The following PDE4B variants were observed in gnomAD, a reference collection of about 807,000 sequenced individuals.
The protein encoded by PDE4B is phosphodiesterase 4B.
PDE4B carries 20 observed loss-of-function variants against 82.2 expected under a neutral mutation model. The observed-to-expected ratio is 0.24, with a 90% CI of 0.17 to 0.35. The LOEUF (loss-of-function observed/expected upper bound fraction) is 0.35. Among genes scored for constraint, PDE4B ranks in the 10% least tolerant of loss-of-function variants. The pLI is 1.00. For synonymous variants in PDE4B, 320 were observed against 318.9 expected, an observed-to-expected ratio of 1.00 and a Z score of -0.04; for missense variants, 655 against 907.2, an observed-to-expected ratio of 0.72 and a Z score of 3.57.
At chr1:65,905,701 A>G (rs538133562) in intron 1 of PDE4B, among the ~76,000 whole-genome samples, 11 of 152,228 alleles carry the variant, frequency 7.2e-5, no homozygotes, top group African/African-American at 2.6e-4. Context: ...AAAGGACAGT[A>G]GCCTCCTCAA....
At chr1:65,844,466 A>G (rs1350686165) in intron 1 of PDE4B, among the ~76,000 whole-genome samples, 1 of 152,170 alleles carries the variant, frequency 6.6e-6, no homozygotes, top group Admixed American at 6.6e-5. Context: ...CTCTTAGACA[A>G]ATGGAAGCTT....
At chr1:66,273,261 A>G (rs1655641023) in intron 7 of PDE4B, among the ~76,000 whole-genome samples, 2 of 152,322 alleles carry the variant, frequency 1.3e-5, no homozygotes, top group African/African-American at 4.8e-5. Context: ...TCCCTGAAAT[A>G]CACCAGGATC....
intron 3 of PDE4B, among the ~76,000 whole-genome samples, chr1:65,953,253 T>C (rs1296862730): frequency 6.6e-6 from 1 of 152,082 alleles, no homozygotes; most frequent in Non-Finnish European, 1.5e-5. Flanking sequence ...ATCATATATG[T>C]ATTTATAATT....
chr1:66,204,975 C>T (rs1227328131), intron 3 of PDE4B, among the ~76,000 whole-genome samples: 5 of 152,094 alleles, frequency 3.3e-5, no homozygotes, highest in Admixed American at 6.5e-5. Flanking sequence ...TATTCCTATT[C>T]GGCCATCTTG....
intron 1 of PDE4B, among the ~76,000 whole-genome samples, chr1:65,895,383 C>T (rs1039307506): frequency 1.3e-5 from 2 of 151,830 alleles, no homozygotes; most frequent in African/African-American, 4.8e-5. Context: ...AACCCCATCT[C>T]TACTGAAAAT....
Position 66,245,456 on chromosome 1 carries a change from G to A in PDE4B, c.282-2004G>A, listed in dbSNP as rs989184834. On this transcript the variant is annotated intron_variant, in intron 3 of 16. Coordinates refer to ENST00000341517, the MANE Select transcript of PDE4B (RefSeq NM_002600.4). ...CATGACCTACTGTTTCTAGGGGTTT[G>A]GGTGGCACACAAAAAAGCCCTTATC... Among the ~76,000 whole-genome samples the A allele has an allele frequency of 5.9e-5, 9 of 152,254 alleles. No individual in the cohort carries two copies. The South Asian group carries it at 1.0e-3, about 18-fold the overall frequency.
At chr1:66,075,791 A>T (rs938544450) in intron 3 of PDE4B, among the ~76,000 whole-genome samples, 3 of 151,990 alleles carry the variant, frequency 2.0e-5, no homozygotes, top group African/African-American at 7.2e-5. Context: ...CCAAGCAGAA[A>T]TGTTCTTTCC....
chr1:66,136,697 C>CAAAAAAAAAAAAA (rs5774802), intron 3 of PDE4B, among the ~76,000 whole-genome samples: 1 of 61,560 alleles, frequency 1.6e-5, no homozygotes, highest in African/African-American at 7.1e-5. Context: ...GACTCCCTCT[C>CAAAAAAAAAAAAA]AAAAAAAAAA....
intron 3 of PDE4B, among the ~76,000 whole-genome samples, chr1:66,205,756 G>C (rs751589777): frequency 7.2e-5 from 11 of 152,212 alleles, no homozygotes; most frequent in Non-Finnish European, 1.3e-4. Flanking sequence ...AATAGATTCT[G>C]TCTGTGCTAG....
rs150034186 is a variant in PDE4B at position 66,285,923 on chromosome 1, T to A, written c.634+19836T>A. Among the ~76,000 whole-genome samples the A allele has an allele frequency of 2.3e-3, 344 of 152,212 alleles. 2 individuals carry two copies. Among genetic ancestry groups the A allele is most frequent in the Middle Eastern group, 0.017 (5 of 294 alleles). ...ACCATATTTTAACTTCTCTAAACAA[T>A]CATTTAGGATGCTTGATTCTATGAA... On this transcript the variant is annotated intron_variant, in intron 7 of 16. Transcript: ENST00000341517.
rs1288202043 is a variant in PDE4B at position 66,355,517 on chromosome 1, T to G, written c.748-10T>G. On this transcript the variant is annotated splice_polypyrimidine_tract_variant and intron_variant, in intron 8 of 16. Coordinates refer to ENST00000341517, the MANE Select transcript of PDE4B (RefSeq NM_002600.4). Reference sequence around the variant, plus strand: ...AAAGTGGTTAATGCATTTTTGTTCTTTATAAACAGTTCAAAAGAATGCTGA... The same window carrying G: ...AAAGTGGTTAATGCATTTTTGTTCTGTATAAACAGTTCAAAAGAATGCTGA... 3 of 1,592,634 alleles carry G rather than the reference T, an allele frequency of 1.9e-6. No homozygotes were observed. The highest frequency in any genetic ancestry group is 2.6e-6 in the Non-Finnish European group (3 of 1,161,484).
chr1:66,326,596 A>C (rs955333010), intron 7 of PDE4B, among the ~76,000 whole-genome samples: 4 of 152,180 alleles, frequency 2.6e-5, no homozygotes, highest in African/African-American at 9.7e-5. Context: ...AACTTTGCAA[A>C]TAGTTACCAC....
At chr1:65,984,790 A>T (rs1650871088) in intron 3 of PDE4B, among the ~76,000 whole-genome samples, 1 of 152,152 alleles carries the variant, frequency 6.6e-6, no homozygotes, top group Admixed American at 6.5e-5. Flanking sequence ...TATATATGTT[A>T]TCTTTAAAAG....
chr1:66,107,799 C>T (rs762760025), intron 3 of PDE4B, among the ~76,000 whole-genome samples: 46 of 151,850 alleles, frequency 3.0e-4, no homozygotes, highest in African/African-American at 9.9e-4. Context: ...TATGATCAAT[C>T]TGAGTTGTGT....
chr1:66,346,416 C>A (rs1661398649), intron 8 of PDE4B, among the ~76,000 whole-genome samples: 1 of 152,196 alleles, frequency 6.6e-6, no homozygotes, highest in Non-Finnish European at 1.5e-5. Context: ...TGGATAGTTA[C>A]CAACAGCTGG....
At chr1:66,253,793 G>A (rs913604602) in intron 4 of PDE4B, among the ~76,000 whole-genome samples, 53 of 152,108 alleles carry the variant, frequency 3.5e-4, no homozygotes, top group African/African-American at 3.1e-4. Context: ...TTCTCTAATA[G>A]CAATTTTCTA....
At chr1:66,231,890 G>A (rs1441484264) in intron 3 of PDE4B, among the ~76,000 whole-genome samples, 2 of 152,180 alleles carry the variant, frequency 1.3e-5, no homozygotes, top group African/African-American at 4.8e-5. Flanking sequence ...TGGGTCAAGT[G>A]TGAGTGAGGT....
intron 3 of PDE4B, among the ~76,000 whole-genome samples, chr1:66,100,340 A>AC (rs1226891408): frequency 1.3e-5 from 2 of 152,154 alleles, no homozygotes; most frequent in East Asian, 3.9e-4. Flanking sequence ...GGTGTGAGCC[A>AC]CTGTGTCCAG....
intron 12 of PDE4B, among the ~76,000 whole-genome samples, chr1:66,364,383 C>T (rs28582477): frequency 0.021 from 3,207 of 152,174 alleles, 100 homozygotes; most frequent in African/African-American, 0.073. Flanking sequence ...AGAAGGTGGC[C>T]GTGGCTCCCT....
Sources: gnomAD v4.1 joint callset for allele counts (sites outside exome capture counted in the v4.1 genomes callset) on GRCh38, gnomAD v4.1.1 for gene constraint, MANE v1.5 for transcripts, NCBI Gene and HGNC (gene_info 2026-07-23, HGNC 2026-07-21) for gene names.